The following CRCP variants were observed in gnomAD, a reference collection of about 807,000 sequenced individuals.
CRCP encodes CGRP receptor component.
A neutral mutation model predicts 18.5 loss-of-function variants in CRCP; 18 were observed. The observed-to-expected ratio is 0.97, with a 90% CI of 0.67 to 1.44. The LOEUF is 1.44. CRCP is among the 40% of genes most tolerant of loss of function. The pLI is 0.00. For missense variants in CRCP, 130 were observed against 176.4 expected (o/e 0.74, Z 1.49); for synonymous variants, 53 against 62.9 (o/e 0.84, Z 0.75).
chr7:66,146,707 G>A (rs1788309029), intron 5 of CRCP, among the ~76,000 whole-genome samples: 1 of 152,128 alleles, frequency 6.6e-6, no homozygotes, highest in Non-Finnish European at 1.5e-5. Context: ...AATTAAATTA[G>A]AACAGTTCCT....
rs561458228 is a variant in CRCP, at chr7:66,121,306, C to T, written c.8+6336C>T. Among the ~76,000 whole-genome samples, 9 of 152,168 alleles carry T rather than the reference C, an allele frequency of 5.9e-5. No individual in the cohort carries two copies. The East Asian group carries it at 1.7e-3, about 29-fold the overall frequency. The stretch of plus-strand genomic sequence containing the variant: ...GCTCAGGTGATTCTACCGCCTCGGC[C>T]TCCGAAAGTGCTGGGATTACAGGCA... On this transcript the variant is annotated intron_variant, in intron 1 of 5. Coordinates refer to ENST00000395326, the MANE Select transcript of CRCP (RefSeq NM_014478.5).
chr7:66,123,245 C>T (rs1043686521), intron 1 of CRCP, among the ~76,000 whole-genome samples: 40 of 151,980 alleles, frequency 2.6e-4, no homozygotes, highest in African/African-American at 9.2e-4. Flanking sequence ...TGAGCCACTG[C>T]GCCTGGCGTA....
rs145491058 is a variant in CRCP, at chr7:66,134,374, A to T, written c.239A>T (p.Lys80Ile). Reference sequence around the variant, plus strand: ...GCATTGAAAAGCCACAAGTTGACCAAGTAAGTAAATCTCTTAAGTAGGAAG... The same window carrying T: ...GCATTGAAAAGCCACAAGTTGACCATGTAAGTAAATCTCTTAAGTAGGAAG... ...LTALKSHKLT[K>I]AEKLQLLNHR... Residue 80 changes from lysine (K) to isoleucine (I), a missense_variant and splice_region_variant, in exon 4 of 6, where the codon AAA (lysine) becomes ATA (isoleucine). Transcript: ENST00000395326. 17 of 1,594,636 alleles carry T rather than the reference A, an allele frequency of 1.1e-5. No homozygotes were observed. Among genetic ancestry groups the T allele is most frequent in the Non-Finnish European group, 1.5e-5 (17 of 1,168,028 alleles).
chr7:66,130,678 C>T, intron 2 of CRCP, 66 bp from the exon 3 acceptor site: 1 of 930,660 alleles, frequency 1.1e-6, no homozygotes, highest in South Asian at 1.5e-5. Context: ...CCTTCAAAAC[C>T]ACTGACCTTG....
chr7:66,152,120 C>G (rs553833961), intron 5 of CRCP, 88 bp from the exon 6 acceptor site: 9 of 1,482,638 alleles, frequency 6.1e-6, no homozygotes, highest in Non-Finnish European at 8.3e-6. Flanking sequence ...GCCAGGAGGC[C>G]GGGCTGAGAC....
At chr7:66,144,557 G>A (rs1293002154) in intron 4 of CRCP, among the ~76,000 whole-genome samples, 2 of 152,124 alleles carry the variant, frequency 1.3e-5, no homozygotes, top group Non-Finnish European at 2.9e-5. Flanking sequence ...AGGCTAAAGC[G>A]ATCCTCCTGC....
chr7:66,129,204 G>A (rs892224488), intron 2 of CRCP, among the ~76,000 whole-genome samples: 1 of 152,104 alleles, frequency 6.6e-6, no homozygotes, highest in Non-Finnish European at 1.5e-5. Context: ...AAGGTGGCGG[G>A]CGCCTGTAAT....
chr7:66,152,480 T>C lies in CRCP; in HGVS notation c.*123T>C. 1.9e-6 allele frequency: 2 copies of C among 1,040,020 alleles called. No individual in the cohort carries two copies. Among genetic ancestry groups the C allele is most frequent in the South Asian group, 3.2e-5 (2 of 61,970 alleles). 64.4% of individuals were successfully genotyped at this position (1,040,020 alleles called of 1,614,324 possible). A position where few individuals can be genotyped will look rare whatever the true frequency, so the allele number is the denominator to read the frequency against. On this transcript the variant is annotated 3_prime_UTR_variant, in exon 6 of 6. Transcript: ENST00000395326. ...CCAGCAGGCCTGGCTTTGTGGTTAGTTGGGTACATCACAAAAATAAGTTAA... is the reference window on the plus strand; with the variant it reads ...CCAGCAGGCCTGGCTTTGTGGTTAGCTGGGTACATCACAAAAATAAGTTAA...
rs563328071 is a variant in CRCP at position 66,152,973 on chromosome 7, C to T, written c.*616C>T. ...CTAAATGTTAGGGACCAGATCACTGCAGTTGAAAACGGGCACTCCAGGCTT... is the reference window on the plus strand; with the variant it reads ...CTAAATGTTAGGGACCAGATCACTGTAGTTGAAAACGGGCACTCCAGGCTT... On this transcript the variant is annotated 3_prime_UTR_variant, in exon 6 of 6. Transcript: ENST00000395326. The T allele has an allele frequency of 1.1e-4, 17 of 152,898 alleles. No individual in the cohort carries two copies. The highest frequency in any genetic ancestry group is 3.6e-4 in the African/African-American group (15 of 41,560). The allele number at this position is 152,898 out of a possible 1,614,324, so 9.5% of individuals were successfully genotyped here.
At chr7:66,119,832 G>A (rs1448451007) in intron 1 of CRCP, 1 of 152,212 alleles carries the variant, frequency 6.6e-6, no homozygotes, top group Non-Finnish European at 1.5e-5. Flanking sequence ...GTTCAGTGTA[G>A]AGGCAGCCAT....
At chr7:66,118,596 G>A (rs909650321) in intron 1 of CRCP, among the ~76,000 whole-genome samples, 10 of 152,134 alleles carry the variant, frequency 6.6e-5, no homozygotes, top group African/African-American at 1.9e-4. Context: ...GACCCCCTGC[G>A]TATACCAAAA....
intron 2 of CRCP, among the ~76,000 whole-genome samples, chr7:66,130,423 A>G (rs1787764739): frequency 6.6e-6 from 1 of 151,964 alleles, no homozygotes. Context: ...TTTTTTAACA[A>G]AATATTTGCT....
chr7:66,139,770 C>T (rs145530955), intron 4 of CRCP, among the ~76,000 whole-genome samples: 4,780 of 152,268 alleles, frequency 0.031, 122 homozygotes, highest in Non-Finnish European at 0.041. Flanking sequence ...TGGGTCTGTT[C>T]CATGCTTGCT....
intron 5 of CRCP, among the ~76,000 whole-genome samples, chr7:66,151,771 TA>T (rs1788482563): frequency 7.3e-6 from 1 of 137,222 alleles, no homozygotes; most frequent in Non-Finnish European, 1.6e-5. Context: ...TTTTTTTTTT[TA>T]GACAAAGTCT....
At chr7:66,150,694 T>G (rs1788431925) in intron 5 of CRCP, 1 of 152,164 alleles carries the variant, frequency 6.6e-6, no homozygotes, top group South Asian at 2.1e-4. Flanking sequence ...TATCTTGTTT[T>G]ACTTCAGTCT....
intron 1 of CRCP, among the ~76,000 whole-genome samples, chr7:66,123,013 A>G (rs1192315650): frequency 4.1e-5 from 6 of 146,120 alleles, no homozygotes; most frequent in South Asian, 4.3e-4. Flanking sequence ...GGAGTGCAGT[A>G]GCCCCATCTC....
At chr7:66,150,035 T>C (rs1478676784) in intron 5 of CRCP, among the ~76,000 whole-genome samples, 2 of 151,972 alleles carry the variant, frequency 1.3e-5, no homozygotes, top group Non-Finnish European at 2.9e-5. Context: ...CTCGATCTCC[T>C]GACCTTGTGA....
intron 1 of CRCP, among the ~76,000 whole-genome samples, chr7:66,124,341 CAG>C (rs1787553064): frequency 1.3e-5 from 2 of 152,034 alleles, no homozygotes; most frequent in South Asian, 4.1e-4. Flanking sequence ...GCCTGGGAGA[CAG>C]AGCGAGACTC....
In CRCP at chr7:66,152,483, G is replaced by A; in HGVS notation, c.*126G>A. ...GCAGGCCTGGCTTTGTGGTTAGTTG[G>A]GTACATCACAAAAATAAGTTAAAAA... On this transcript the variant is annotated 3_prime_UTR_variant, in exon 6 of 6. Coordinates refer to ENST00000395326, the MANE Select transcript of CRCP (RefSeq NM_014478.5). 1.0e-6 allele frequency: 1 copy of A among 988,414 alleles called. No individual in the cohort carries two copies. Among genetic ancestry groups the A allele is most frequent in the Middle Eastern group, 3.1e-4 (1 of 3,228 alleles). The allele number at this position is 988,414 out of a possible 1,614,324, so 61.2% of individuals were successfully genotyped here.
Sources: gnomAD v4.1 joint callset for allele counts (sites outside exome capture counted in the v4.1 genomes callset) on GRCh38, gnomAD v4.1.1 for gene constraint, MANE v1.5 for transcripts, NCBI Gene and HGNC (gene_info 2026-07-23, HGNC 2026-07-21) for gene names.